The following FHIT variants were observed in gnomAD, a reference collection of about 807,000 sequenced individuals.
FHIT encodes bis(5'-adenosyl)-triphosphatase.
In FHIT, 19 loss-of-function variants were observed where a neutral mutation model predicts 17.9. That is an observed-to-expected ratio of 1.06 (90% CI 0.74 to 1.56). The LOEUF is 1.56. Among genes scored for constraint, FHIT ranks in the 40% most tolerant of loss-of-function variants. The pLI, the probability that FHIT is intolerant of heterozygous loss-of-function variation, is 0.00. For synonymous variants in FHIT, 81 were observed against 69.7 expected, an observed-to-expected ratio of 1.16 and a Z score of -0.81; for missense variants, 248 against 189.2, an observed-to-expected ratio of 1.31 and a Z score of -1.82.
intron 5 of FHIT, among the ~76,000 whole-genome samples, chr3:60,359,893 G>GGATGTAGC (rs780012018): frequency 8.6e-5 from 13 of 151,626 alleles, no homozygotes; most frequent in Non-Finnish European, 1.6e-4. Flanking sequence ...GGGAAATGCA[G>GGATGTAGC]GATGTAGCAG....
intron 5 of FHIT, among the ~76,000 whole-genome samples, chr3:60,162,778 A>G (rs1700996774): frequency 6.6e-6 from 1 of 152,168 alleles, no homozygotes; most frequent in Non-Finnish European, 1.5e-5. Flanking sequence ...CCTACCTATA[A>G]ACTTCTAAAA....
At chr3:60,238,077 C>A (rs918714246) in intron 5 of FHIT, among the ~76,000 whole-genome samples, 1 of 140,362 alleles carries the variant, frequency 7.1e-6, no homozygotes, top group Non-Finnish European at 1.5e-5. Flanking sequence ...GCCTTGGAGG[C>A]GGAGGTGGCA....
intron 5 of FHIT, among the ~76,000 whole-genome samples, chr3:60,287,226 T>G (rs904307464): frequency 1.3e-5 from 2 of 152,196 alleles, no homozygotes; most frequent in Admixed American, 6.5e-5. Context: ...TGGAGTGCAG[T>G]GGCAAGATCT....
intron 5 of FHIT, among the ~76,000 whole-genome samples, chr3:60,509,928 C>CT (rs1227015636): frequency 6.6e-6 from 1 of 152,166 alleles, no homozygotes; most frequent in African/African-American, 2.4e-5. Flanking sequence ...CCGTCTCAAC[C>CT]TTTGCCAACA....
At chr3:59,934,903 G>A (rs1226697345) in intron 7 of FHIT, among the ~76,000 whole-genome samples, 1 of 152,144 alleles carries the variant, frequency 6.6e-6, no homozygotes, top group Non-Finnish European at 1.5e-5. Flanking sequence ...TACAATTCAA[G>A]ATGAGATTTG....
chr3:60,259,608 A>C (rs981630336), intron 5 of FHIT, among the ~76,000 whole-genome samples: 1 of 152,094 alleles, frequency 6.6e-6, no homozygotes, highest in Non-Finnish European at 1.5e-5. Context: ...ACCTTGCTAA[A>C]TCCTTAGAGT....
chr3:60,310,718 CA>C (rs1186216833), intron 5 of FHIT, among the ~76,000 whole-genome samples: 1 of 152,024 alleles, frequency 6.6e-6, no homozygotes, highest in Non-Finnish European at 1.5e-5. Flanking sequence ...AGAAAGAAAA[CA>C]AAGGGCTCAT....
intron 2 of FHIT, among the ~76,000 whole-genome samples, chr3:61,056,970 C>T (rs926617508): frequency 2.0e-5 from 3 of 152,126 alleles, no homozygotes; most frequent in Non-Finnish European, 4.4e-5. Context: ...TGTGTTTGTG[C>T]CTCATGATCT....
intron 8 of FHIT, among the ~76,000 whole-genome samples, chr3:59,811,168 T>C (rs1216341731): frequency 1.3e-5 from 2 of 152,262 alleles, no homozygotes; most frequent in African/African-American, 2.4e-5. Flanking sequence ...TGCACACTTA[T>C]GTCACCCTCT....
intron 4 of FHIT, among the ~76,000 whole-genome samples, chr3:60,560,125 C>A (rs1389947314): frequency 6.6e-6 from 1 of 152,036 alleles, no homozygotes; most frequent in East Asian, 1.9e-4. Flanking sequence ...AGACAGTACA[C>A]AGACAATTGT....
At chr3:60,819,293 G>C (rs1553738596) in intron 4 of FHIT, among the ~76,000 whole-genome samples, 5 of 152,122 alleles carry the variant, frequency 3.3e-5, no homozygotes, top group Non-Finnish European at 5.9e-5. Flanking sequence ...ATCTTGCCAA[G>C]TACATGAGAA....
intron 5 of FHIT, among the ~76,000 whole-genome samples, chr3:60,335,879 A>T (rs983473227): frequency 1.3e-5 from 2 of 151,282 alleles, no homozygotes; most frequent in African/African-American, 4.9e-5. Flanking sequence ...AGTTACCACT[A>T]AGAAAAATTT....
chr3:60,451,235 T>C (rs916287162), intron 5 of FHIT, among the ~76,000 whole-genome samples: 34 of 152,032 alleles, frequency 2.2e-4, no homozygotes, highest in African/African-American at 8.2e-4. Flanking sequence ...GGTTCAGAAA[T>C]CTTTACCCTT....
intron 5 of FHIT, among the ~76,000 whole-genome samples, chr3:60,235,929 AT>A (rs1258926353): frequency 6.6e-6 from 1 of 152,116 alleles, no homozygotes. Context: ...TTCATAGGGT[AT>A]TGTTAGACTA....
At chr3:60,779,577 G>A (rs1021505752) in intron 4 of FHIT, among the ~76,000 whole-genome samples, 3 of 152,178 alleles carry the variant, frequency 2.0e-5, no homozygotes, top group Non-Finnish European at 4.4e-5. Context: ...TTATCTGGGT[G>A]TGTCACAAGA....
At chr3:60,178,761 T>G (rs1375980726) in intron 5 of FHIT, among the ~76,000 whole-genome samples, 3 of 152,154 alleles carry the variant, frequency 2.0e-5, no homozygotes, top group Admixed American at 6.5e-5. Context: ...GAAGAAAGAC[T>G]TTCACAGATC....
intron 3 of FHIT, among the ~76,000 whole-genome samples, chr3:60,911,448 A>T (rs17064187): frequency 0.071 from 10,753 of 151,836 alleles, 1,245 homozygotes; most frequent in African/African-American, 0.24. Flanking sequence ...ATGTGATTTC[A>T]GAAGAGCAGT....
intron 5 of FHIT, among the ~76,000 whole-genome samples, chr3:60,504,467 T>G (rs2034649724): frequency 6.6e-6 from 1 of 152,024 alleles, no homozygotes; most frequent in Non-Finnish European, 1.5e-5. Context: ...TCAACAAAGC[T>G]GCTTAGTAAG....
intron 5 of FHIT, among the ~76,000 whole-genome samples, chr3:60,084,124 T>C (rs78761936): frequency 0.018 from 2,762 of 152,240 alleles, 77 homozygotes; most frequent in African/African-American, 0.063. Context: ...TAAGGATTCA[T>C]AAGTCTCAGA....
Sources: allele counts gnomAD v4.1 joint callset (sites outside exome capture counted in the v4.1 genomes callset), GRCh38; gene constraint gnomAD v4.1.1; transcripts MANE v1.5; gene names NCBI Gene and HGNC (gene_info 2026-07-23, HGNC 2026-07-21).